The following PRDM16 variants were observed in gnomAD, a reference collection of about 807,000 sequenced individuals.
The protein encoded by PRDM16 is histone-lysine N-methyltransferase PRDM16.
PRDM16 carries 23 observed loss-of-function variants against 110.6 expected under a neutral mutation model. The observed-to-expected ratio is 0.21, with a 90% CI of 0.15 to 0.29. The LOEUF (loss-of-function observed/expected upper bound fraction) is 0.29, where lower values mean the gene tolerates loss of function less well. Ranked by LOEUF, PRDM16 falls within the 10% of genes least tolerant of loss-of-function variation. PRDM16 has a pLI of 1.00. For synonymous variants in PRDM16, 799 were observed against 781.8 expected, an observed-to-expected ratio of 1.02 and a Z score of -0.37; for missense variants, 1,615 against 1,794.3, an observed-to-expected ratio of 0.90 and a Z score of 1.81.
chr1:3,288,352 A>T (rs1464972412), intron 3 of PRDM16, among the ~76,000 whole-genome samples: 1 of 151,668 alleles, frequency 6.6e-6, no homozygotes, highest in Non-Finnish European at 1.5e-5. Flanking sequence ...GACCCTTCCC[A>T]CTCCCCGCTC....
rs754256903 is a variant in PRDM16 at position 3,396,557 on chromosome 1, G to A, written c.640G>A (p.Val214Ile). 58 of 1,604,980 alleles carry A rather than the reference G, an allele frequency of 3.6e-5. No individual in the cohort carries two copies. The highest frequency in any genetic ancestry group is 4.4e-5 in the Non-Finnish European group (52 of 1,175,558). Residue 214 changes from valine (V) to isoleucine (I), a missense_variant, in exon 5 of 17, where the codon GTC becomes ATC. Val to Ile is a conservative substitution (Grantham distance 29). Transcript: ENST00000270722. ...EELLVHVKEG[V>I]YPLGTVPPGL... ...GCTGCTGGTGCACGTGAAGGAAGGC[G>A]TCTACCCCCTGGGCACAGTGCCGCC...
intron 2 of PRDM16, among the ~76,000 whole-genome samples, chr1:3,235,106 G>C (rs1639508122): frequency 6.6e-6 from 1 of 152,228 alleles, no homozygotes; most frequent in Admixed American, 6.5e-5. Flanking sequence ...TGGCGTCCCA[G>C]CCAGAGCCCC....
chr1:3,379,294 C>A (rs1341755635), intron 3 of PRDM16, among the ~76,000 whole-genome samples: 1 of 32,340 alleles, frequency 3.1e-5, no homozygotes, highest in East Asian at 8.8e-4. Flanking sequence ...CAACACACCC[C>A]TCCCAGCACA....
At chr1:3,315,499 A>G (rs534987492) in intron 3 of PRDM16, among the ~76,000 whole-genome samples, 1 of 152,348 alleles carries the variant, frequency 6.6e-6, no homozygotes, top group South Asian at 2.1e-4. Flanking sequence ...TTTATAAGCC[A>G]TCAATAAGAA....
At chr1:3,282,197 G>A (rs1223997892) in intron 3 of PRDM16, among the ~76,000 whole-genome samples, 1 of 152,232 alleles carries the variant, frequency 6.6e-6, no homozygotes, top group Non-Finnish European at 1.5e-5. Flanking sequence ...TTCTAGAAGA[G>A]GCATGTGCTC....
Position 3,360,527 on chromosome 1 carries a change from G to A in PRDM16, c.439-24625G>A, listed in dbSNP as rs115303132. Among the ~76,000 whole-genome samples, 1,052 of 152,282 alleles carry A rather than the reference G, an allele frequency of 6.9e-3. 20 individuals are homozygous for A. The highest frequency in any genetic ancestry group is 0.06 in the South Asian group (290 of 4,824). On this transcript the variant is annotated intron_variant, in intron 3 of 16. Transcript: ENST00000270722. ...GTCCAAGTGCGGGATGGACTGTGGC[G>A]TAGATGCTGGGAAGAGGTGTCCACT...
intron 3 of PRDM16, among the ~76,000 whole-genome samples, chr1:3,283,760 C>T (rs750948560): frequency 1.1e-4 from 17 of 152,184 alleles, no homozygotes; most frequent in Non-Finnish European, 2.4e-4. Context: ...ACCTCAAGGT[C>T]AAAGGAAGAG....
rs573483030 is a variant in PRDM16, at chr1:3,364,569, G to A, written c.439-20583G>A. On this transcript the variant is annotated intron_variant, in intron 3 of 16. Transcript: ENST00000270722. The stretch of plus-strand genomic sequence containing the variant: ...TCCCACCGCTCAGCCCCTCACCCCC[G>A]GCAACAGCCTAGTAATGACCCTGGG... Among the ~76,000 whole-genome samples, 687 of 152,232 alleles carry A rather than the reference G, an allele frequency of 4.5e-3. 1 individual carries two copies. The highest frequency in any genetic ancestry group is 7.2e-3 in the Non-Finnish European group (491 of 68,022).
At chr1:3,308,144 A>G (rs946353865) in intron 3 of PRDM16, 9 of 152,190 alleles carry the variant, frequency 5.9e-5, no homozygotes, top group Non-Finnish European at 1.2e-4. Context: ...CTTTCCAAGG[A>G]CGGGGCAGTG....
chr1:3,341,612 T>C (rs1642274230), intron 3 of PRDM16, among the ~76,000 whole-genome samples: 1 of 152,176 alleles, frequency 6.6e-6, no homozygotes, highest in South Asian at 2.1e-4. Context: ...ATCGCTCAAC[T>C]TAGGAATGTT....
intron 3 of PRDM16, among the ~76,000 whole-genome samples, chr1:3,270,332 ACAGT>A (rs140692495): frequency 0.026 from 3,779 of 147,752 alleles, 147 homozygotes; most frequent in African/African-American, 0.086. Context: ...CAAGAGGATG[ACAGT>A]CAGGGAAGAG....
chr1:3,118,376 C>G (rs1490115328), intron 1 of PRDM16, among the ~76,000 whole-genome samples: 1 of 152,196 alleles, frequency 6.6e-6, no homozygotes, highest in Non-Finnish European at 1.5e-5. Flanking sequence ...CACCTGGCCC[C>G]TCGGAAGCGT....
At chr1:3,341,163 G>A (rs995458777) in intron 3 of PRDM16, among the ~76,000 whole-genome samples, 2 of 152,174 alleles carry the variant, frequency 1.3e-5, no homozygotes, top group Non-Finnish European at 2.9e-5. Context: ...GGCCACAGAG[G>A]ATGTAGCAGA....
At chr1:3,181,664 A>ACACGGTCTTACACAAG (rs138034258) in intron 1 of PRDM16, among the ~76,000 whole-genome samples, 2 of 113,878 alleles carry the variant, frequency 1.8e-5, no homozygotes, top group African/African-American at 7.3e-5. Flanking sequence ...ACGGTCTTAC[A>ACACGGTCTTACACAAG]CAGTCTTACA....
intron 1 of PRDM16, among the ~76,000 whole-genome samples, chr1:3,160,971 A>G (rs1218239973): frequency 6.6e-6 from 1 of 152,122 alleles, no homozygotes; most frequent in Non-Finnish European, 1.5e-5. Flanking sequence ...TCCCTTGACA[A>G]TGCTGCCCGT....
At chr1:3,119,532 G>T (rs1207114891) in intron 1 of PRDM16, among the ~76,000 whole-genome samples, 1 of 152,164 alleles carries the variant, frequency 6.6e-6, no homozygotes, top group Non-Finnish European at 1.5e-5. Context: ...GGGGACTTGG[G>T]TGCTGTCCCG....
At chr1:3,084,467 CT>C (rs1642104814) in intron 1 of PRDM16, among the ~76,000 whole-genome samples, 3 of 152,334 alleles carry the variant, frequency 2.0e-5, no homozygotes, top group African/African-American at 7.2e-5. Context: ...ATCTGCCCCC[CT>C]GGGAGGCACG....
At chr1:3,304,705 C>G (rs1025765200) in intron 3 of PRDM16, among the ~76,000 whole-genome samples, 1 of 152,110 alleles carries the variant, frequency 6.6e-6, no homozygotes, top group South Asian at 2.1e-4. Flanking sequence ...TCTGTGAGCA[C>G]GTCTGATGGC....
chr1:3,346,477 G>A (rs964731042), intron 3 of PRDM16, among the ~76,000 whole-genome samples: 1 of 152,180 alleles, frequency 6.6e-6, no homozygotes, highest in African/African-American at 2.4e-5. Flanking sequence ...CTGTTCAGCA[G>A]CCTGAGCTCC....
Sources: gnomAD v4.1 joint callset for allele counts (sites outside exome capture counted in the v4.1 genomes callset) on GRCh38, gnomAD v4.1.1 for gene constraint, MANE v1.5 for transcripts, NCBI Gene and HGNC (gene_info 2026-07-23, HGNC 2026-07-21) for gene names.